Variants in KCNIP4 observed in about 807,000 individuals in gnomAD.
KCNIP4 encodes Kv channel-interacting protein 4.
Under a neutral mutation model 34.0 loss-of-function variants are expected in KCNIP4, and 12 were observed. The observed-to-expected ratio is 0.35, with a 90% CI of 0.23 to 0.57. KCNIP4 has a LOEUF of 0.57. KCNIP4 is among the 20% of genes least tolerant of loss of function. The probability of loss-of-function intolerance (pLI) is 0.83; values close to 1 mark genes in which losing one functional copy is unlikely to be tolerated. For synonymous variants in KCNIP4, 124 were observed against 102.2 expected (o/e 1.21, Z -1.29); for missense variants, 238 against 311.7 (o/e 0.76, Z 1.78).
intron 1 of KCNIP4, among the ~76,000 whole-genome samples, chr4:21,483,993 A>G (rs1456565877): frequency 4.6e-4 from 62 of 133,506 alleles, no homozygotes; most frequent in Non-Finnish European, 7.1e-4. Context: ...CAGAACCATG[A>G]GCCAATTAAA....
At position 20,728,956 on chromosome 4, in the gene KCNIP4, T is replaced by G. The variant is rs1460975314; in HGVS notation, c.*1126A>C. ...ATCTGAATTATGATGAGCTAAATCATACTGTAATCTGGATTAGTTGTTGAG... is the reference window on the plus strand; with the variant it reads ...ATCTGAATTATGATGAGCTAAATCAGACTGTAATCTGGATTAGTTGTTGAG... On this transcript the variant is annotated 3_prime_UTR_variant, in exon 9 of 9. Transcript: ENST00000382152. The G allele has an allele frequency of 6.6e-6, 1 of 152,014 alleles. No individual in the cohort carries two copies. The highest frequency in any genetic ancestry group is 6.6e-5 in the Admixed American group (1 of 15,266). 9.4% of individuals were successfully genotyped at this position (152,014 alleles called of 1,614,324 possible).
At chr4:21,046,837 C>T (rs77441250) in intron 1 of KCNIP4, among the ~76,000 whole-genome samples, 35,816 of 152,020 alleles carry the variant, frequency 0.24, 4,277 homozygotes, top group Middle Eastern at 0.32. Flanking sequence ...GTAATCCACC[C>T]GCCTCCTGGC....
At chr4:21,940,942 C>A (rs563413856) in intron 1 of KCNIP4, among the ~76,000 whole-genome samples, 28 of 152,072 alleles carry the variant, frequency 1.8e-4, no homozygotes, top group Non-Finnish European at 4.0e-4. Context: ...AACCCTGTAT[C>A]TTTGCCTTTA....
intron 1 of KCNIP4, among the ~76,000 whole-genome samples, chr4:20,960,962 G>A (rs191969880): frequency 1.6e-3 from 241 of 152,216 alleles, no homozygotes; most frequent in African/African-American, 4.8e-3. Flanking sequence ...TTGCAGTTTC[G>A]AAAATGCATT....
At chr4:21,932,799 C>T (rs1259016472) in intron 1 of KCNIP4, among the ~76,000 whole-genome samples, 4 of 151,832 alleles carry the variant, frequency 2.6e-5, no homozygotes, top group East Asian at 1.9e-4. Context: ...ATTGTATCTA[C>T]TATTATCTAA....
At chr4:20,976,901 T>G (rs1735546781) in intron 1 of KCNIP4, among the ~76,000 whole-genome samples, 1 of 152,124 alleles carries the variant, frequency 6.6e-6, no homozygotes, top group Admixed American at 6.5e-5. Context: ...TGGTGTGATC[T>G]TGGATCACTG....
At chr4:20,764,953 C>G (rs1228079466) in intron 3 of KCNIP4, among the ~76,000 whole-genome samples, 4 of 152,168 alleles carry the variant, frequency 2.6e-5, no homozygotes, top group African/African-American at 9.7e-5. Flanking sequence ...ACTTTTAACA[C>G]TTTCATCAAC....
chr4:21,089,344 C>A (rs1036596483), intron 1 of KCNIP4, among the ~76,000 whole-genome samples: 1 of 152,166 alleles, frequency 6.6e-6, no homozygotes. Context: ...TTCTCTTGCA[C>A]CTTCCACCAC....
chr4:20,798,544 CACAA>C (rs1713796924), intron 3 of KCNIP4, among the ~76,000 whole-genome samples: 10 of 151,916 alleles, frequency 6.6e-5, no homozygotes, highest in South Asian at 4.2e-4. Flanking sequence ...CACACAGACA[CACAA>C]AAAAGCTATG....
chr4:20,913,536 T>A (rs1728533822), intron 1 of KCNIP4, among the ~76,000 whole-genome samples: 1 of 152,236 alleles, frequency 6.6e-6, no homozygotes, highest in African/African-American at 2.4e-5. Context: ...ATTTATGTTA[T>A]GTGAATTATA....
intron 4 of KCNIP4, among the ~76,000 whole-genome samples, chr4:20,754,868 G>A (rs1754239759): frequency 6.6e-6 from 1 of 152,112 alleles, no homozygotes; most frequent in Non-Finnish European, 1.5e-5. Flanking sequence ...TGAAATGATT[G>A]AAAAATAACT....
chr4:21,365,984 C>T (rs1018159348), intron 1 of KCNIP4, among the ~76,000 whole-genome samples: 1 of 152,196 alleles, frequency 6.6e-6, no homozygotes, highest in African/African-American at 2.4e-5. Context: ...AAGTGATTAA[C>T]TGGTGTGAAC....
chr4:21,364,006 G>C (rs1263639920), intron 1 of KCNIP4, among the ~76,000 whole-genome samples: 2 of 152,100 alleles, frequency 1.3e-5, no homozygotes, highest in Non-Finnish European at 2.9e-5. Context: ...GGATGGAATG[G>C]AGCTAAGCTT....
Position 21,636,547 on chromosome 4 carries a change from A to AT in KCNIP4, c.61+312023dup, listed in dbSNP as rs373856038. Among the ~76,000 whole-genome samples, 368 of 152,196 alleles carry AT rather than the reference A, an allele frequency of 2.4e-3. 3 individuals are homozygous for AT. Among genetic ancestry groups the AT allele is most frequent in the African/African-American group, 7.8e-3 (323 of 41,544 alleles). On this transcript the variant is annotated intron_variant, in intron 1 of 8. Transcript: ENST00000382152. ...CTTAAACACCTGGTGTGGAGGCCAC[A>AT]TTTTTTCCTGCTGTGTGGCAGACAA...
chr4:21,424,947 T>C (rs1373639381), intron 1 of KCNIP4, among the ~76,000 whole-genome samples: 1 of 152,230 alleles, frequency 6.6e-6, no homozygotes, highest in East Asian at 1.9e-4. Flanking sequence ...TCAATGATTC[T>C]TCATAAATTC....
At chr4:21,460,260 T>G (rs1402086885) in intron 1 of KCNIP4, among the ~76,000 whole-genome samples, 2 of 151,946 alleles carry the variant, frequency 1.3e-5, no homozygotes. Context: ...ACCCATCCCA[T>G]ATATTCATGG....
At chr4:21,766,277 C>T (rs1260765082) in intron 1 of KCNIP4, among the ~76,000 whole-genome samples, 1 of 152,140 alleles carries the variant, frequency 6.6e-6, no homozygotes, top group Non-Finnish European at 1.5e-5. Flanking sequence ...TGGCGTATAC[C>T]GATCTCATTT....
At chr4:20,807,448 T>C (rs1261464098) in intron 3 of KCNIP4, among the ~76,000 whole-genome samples, 1 of 152,012 alleles carries the variant, frequency 6.6e-6, no homozygotes, top group Non-Finnish European at 1.5e-5. Context: ...TTACCCCTAT[T>C]TCCATAAGAC....
chr4:21,711,641 TAA>T (rs1713739848), intron 1 of KCNIP4, among the ~76,000 whole-genome samples: 1 of 152,194 alleles, frequency 6.6e-6, no homozygotes, highest in Non-Finnish European at 1.5e-5. Context: ...CTGATTTCAT[TAA>T]GAGATAAAAT....
Sources: gnomAD v4.1 joint callset for allele counts (sites outside exome capture counted in the v4.1 genomes callset) on GRCh38, gnomAD v4.1.1 for gene constraint, MANE v1.5 for transcripts, NCBI Gene and HGNC (gene_info 2026-07-23, HGNC 2026-07-21) for gene names.